Variants in NSMCE2 observed in about 807,000 individuals in gnomAD.
NSMCE2 encodes NSE2 SUMO ligase component of SMC5/6 complex.
A neutral mutation model predicts 23.8 loss-of-function variants in NSMCE2; 24 were observed. The ratio of observed to expected loss-of-function variants is 1.01; its 90% CI spans 0.73 to 1.42. The LOEUF is 1.42. NSMCE2 is among the 40% of genes most tolerant of loss of function. The pLI is 0.00. For synonymous variants in NSMCE2, 92 were observed against 94.1 expected (o/e 0.98, Z 0.13); for missense variants, 284 against 296.5 (o/e 0.96, Z 0.31).
chr8:125,307,740 T>C (rs576362554), intron 5 of NSMCE2, among the ~76,000 whole-genome samples: 1 of 152,308 alleles, frequency 6.6e-6, no homozygotes, highest in South Asian at 2.1e-4. Flanking sequence ...GGGTTTTGAC[T>C]AAGCAAGTGT....
intron 5 of NSMCE2, among the ~76,000 whole-genome samples, chr8:125,227,480 A>G (rs1825147794): frequency 6.6e-6 from 1 of 152,132 alleles, no homozygotes; most frequent in Non-Finnish European, 1.5e-5. Context: ...TCTTTCCTTT[A>G]CTTTCTGTTT....
chr8:125,331,620 T>C (rs566129087), intron 5 of NSMCE2, among the ~76,000 whole-genome samples: 18 of 152,288 alleles, frequency 1.2e-4, no homozygotes, highest in African/African-American at 4.3e-4. Context: ...CCAGATTCTT[T>C]TTATACACTT....
chr8:125,273,687 T>G (rs146974720), intron 5 of NSMCE2, among the ~76,000 whole-genome samples: 1 of 152,244 alleles, frequency 6.6e-6, no homozygotes, highest in Non-Finnish European at 1.5e-5. Context: ...CACTGGATTA[T>G]CATCTGAATT....
At chr8:125,264,564 G>A (rs145437789) in intron 5 of NSMCE2, among the ~76,000 whole-genome samples, 5 of 152,156 alleles carry the variant, frequency 3.3e-5, no homozygotes, top group Admixed American at 6.5e-5. Flanking sequence ...GCACCACCAC[G>A]CCCTGCTAAT....
chr8:125,320,188 G>C (rs7828200), intron 5 of NSMCE2, among the ~76,000 whole-genome samples: 2 of 123,086 alleles, frequency 1.6e-5, no homozygotes, highest in Non-Finnish European at 3.4e-5. Flanking sequence ...AAAAAAAAGA[G>C]AGAGAGAGAG....
rs535693388 is a variant in NSMCE2 at position 125,339,995 on chromosome 8, C to T, written c.419-17224C>T. On this transcript the variant is annotated intron_variant, in intron 5 of 7. Coordinates refer to ENST00000287437, the MANE Select transcript of NSMCE2 (RefSeq NM_173685.4). ...ATCCTGGGAAACCATAAGCCTCCGACGTTGTAGTTTTTTTTTGTTTTTTTT... is the reference window on the plus strand; with the variant it reads ...ATCCTGGGAAACCATAAGCCTCCGATGTTGTAGTTTTTTTTTGTTTTTTTT... 1.7e-3 allele frequency among the ~76,000 whole-genome samples: 254 copies of T among 147,932 alleles called. 1 individual carries two copies. Among genetic ancestry groups the T allele is most frequent in the African/African-American group, 5.8e-3 (234 of 40,316 alleles).
intron 1 of NSMCE2, chr8:125,094,363 T>C (rs560122512): frequency 6.6e-6 from 1 of 152,276 alleles, no homozygotes; most frequent in South Asian, 2.1e-4. Context: ...CTTAGCTGTA[T>C]TTATTGGGAG....
intron 5 of NSMCE2, among the ~76,000 whole-genome samples, chr8:125,189,841 A>C (rs1191592159): frequency 1.3e-5 from 2 of 152,256 alleles, no homozygotes; most frequent in African/African-American, 4.8e-5. Context: ...AACATATAGT[A>C]TATACAGCAA....
chr8:125,362,370 A>AG (rs1307186153), intron 7 of NSMCE2, among the ~76,000 whole-genome samples: 1 of 152,198 alleles, frequency 6.6e-6, no homozygotes, highest in African/African-American at 2.4e-5. Context: ...CCTCGCCTCC[A>AG]GGAAGTCTTC....
At chr8:125,296,392 A>ATTT (rs11410793) in intron 5 of NSMCE2, among the ~76,000 whole-genome samples, 27 of 125,698 alleles carry the variant, frequency 2.1e-4, no homozygotes, top group East Asian at 4.7e-4. Context: ...TGCCATGGTC[A>ATTT]TTTTTTTTTT....
At chr8:125,094,851 T>C (rs1458281158) in intron 1 of NSMCE2, among the ~76,000 whole-genome samples, 1 of 152,190 alleles carries the variant, frequency 6.6e-6, no homozygotes. Context: ...TCCTTTTCTT[T>C]TCTTTTCTCT....
chr8:125,181,239 G>T (rs760515174), intron 4 of NSMCE2, among the ~76,000 whole-genome samples: 3 of 152,174 alleles, frequency 2.0e-5, no homozygotes, highest in Non-Finnish European at 4.4e-5. Context: ...ATAACTGGGG[G>T]CAGGGAGTTG....
intron 7 of NSMCE2, 96 bp from the exon 8 acceptor site, chr8:125,366,672 T>C (rs1161116433): frequency 9.4e-6 from 7 of 747,178 alleles, no homozygotes; most frequent in East Asian, 2.4e-5. Context: ...ACTTTTCCTT[T>C]TTCAGTAAAA....
At chr8:125,292,324 G>A (rs1000013929) in intron 5 of NSMCE2, among the ~76,000 whole-genome samples, 1 of 152,136 alleles carries the variant, frequency 6.6e-6, no homozygotes, top group Admixed American at 6.5e-5. Context: ...GGAAGCCAAG[G>A]TGGGTGGATC....
At chr8:125,237,575 G>A (rs535491095) in intron 5 of NSMCE2, among the ~76,000 whole-genome samples, 2 of 152,308 alleles carry the variant, frequency 1.3e-5, no homozygotes, top group East Asian at 3.9e-4. Flanking sequence ...GCCTTTTCAA[G>A]GAGATAATTC....
At chr8:125,230,614 ACACCAG>A (rs2130944079) in intron 5 of NSMCE2, among the ~76,000 whole-genome samples, 1 of 152,316 alleles carries the variant, frequency 6.6e-6, no homozygotes, top group South Asian at 2.1e-4. Flanking sequence ...TTTTTACTCA[ACACCAG>A]ATGAATAGTA....
At chr8:125,219,876 G>GAAT (rs1824772786) in intron 5 of NSMCE2, among the ~76,000 whole-genome samples, 1 of 152,176 alleles carries the variant, frequency 6.6e-6, no homozygotes, top group African/African-American at 2.4e-5. Context: ...TGACATTACT[G>GAAT]GACAAGATGG....
chr8:125,276,195 C>A (rs866641663), intron 5 of NSMCE2, among the ~76,000 whole-genome samples: 2 of 152,336 alleles, frequency 1.3e-5, no homozygotes, highest in South Asian at 2.1e-4. Flanking sequence ...CTGTACTGCC[C>A]AGGGCCAGCA....
chr8:125,320,559 AAAGT>A (rs1455703701), intron 5 of NSMCE2, among the ~76,000 whole-genome samples: 5 of 152,330 alleles, frequency 3.3e-5, no homozygotes, highest in South Asian at 4.1e-4. Flanking sequence ...AAAAATGTAT[AAAGT>A]AAGGTAGAAG....
Sources: allele counts gnomAD v4.1 joint callset (sites outside exome capture counted in the v4.1 genomes callset), GRCh38; gene constraint gnomAD v4.1.1; transcripts MANE v1.5; gene names NCBI Gene and HGNC (gene_info 2026-07-23, HGNC 2026-07-21).